The following GCN1 variants were observed in gnomAD, a reference collection of about 807,000 sequenced individuals.
GCN1 encodes the protein stalled ribosome sensor GCN1.
GCN1 carries 90 observed loss-of-function variants against 288.4 expected under a neutral mutation model. That is an observed-to-expected ratio of 0.31 (90% CI 0.26 to 0.37). The LOEUF (loss-of-function observed/expected upper bound fraction) is 0.37. Ranked by LOEUF, GCN1 falls within the 10% of genes least tolerant of loss-of-function variation. The pLI is 1.00. For synonymous variants in GCN1, 1,386 were observed against 1,420.2 expected (o/e 0.98, Z 0.54); for missense variants, 2,586 against 3,419.9 (o/e 0.76, Z 6.08).
At chr12:120,161,838 C>T in intron 21 of GCN1, 42 bp downstream of exon 21, 1 of 1,590,276 alleles carries the variant, frequency 6.3e-7, no homozygotes, top group Non-Finnish European at 8.6e-7. Context: ...AAAACTATGC[C>T]TTGGGGAGCA....
chr12:120,151,188 C>A lies in GCN1; in HGVS notation c.4266G>T (p.Leu1422=). 1 of 1,614,014 alleles carries A rather than the reference C, an allele frequency of 6.2e-7. No individual in the cohort carries two copies. Among genetic ancestry groups the A allele is most frequent in the South Asian group, 1.1e-5 (1 of 91,060 alleles). ...TCTTCTTATCTTGGATGGCATCAGT[C>A]AGTGCCGCCATCATCTCCTGTTGCT... The part of the protein sequence containing the change: ...SLKQQEMMAA[L]TDAIQDKKNF... The change falls in exon 34 of 58, where the codon CTG becomes CTT. Residue 1422 remains leucine, a synonymous_variant. Transcript: ENST00000300648.
intron 1 of GCN1, among the ~76,000 whole-genome samples, chr12:120,191,241 G>A (rs568760881): frequency 4.6e-5 from 7 of 152,330 alleles, no homozygotes; most frequent in South Asian, 2.1e-4. Context: ...CAGCACCTGC[G>A]TTTTTGAAAC....
chr12:120,163,334 G>C lies in GCN1; in HGVS notation c.1849-75C>G, dbSNP rs762303166. The C allele has an allele frequency of 9.3e-6, 11 of 1,186,820 alleles. No individual in the cohort carries two copies. The East Asian group carries it at 2.1e-4, about 23-fold the overall frequency. The allele number at this position is 1,186,820 out of a possible 1,614,324, so 73.5% of individuals were successfully genotyped here. A position where few individuals can be genotyped will look rare whatever the true frequency, so the allele number is the denominator to read the frequency against. ...GGAACACAGGAACCAAATATGCTAC[G>C]GACACAGCGGCCCCTCACTCAGTTC... On this transcript the variant is annotated intron_variant, in intron 18 of 57. Coordinates refer to ENST00000300648, the MANE Select transcript of GCN1 (RefSeq NM_006836.2).
At chr12:120,146,320 A>G (rs971966888) in intron 38 of GCN1, among the ~76,000 whole-genome samples, 1 of 151,676 alleles carries the variant, frequency 6.6e-6, no homozygotes, top group Non-Finnish European at 1.5e-5. Context: ...GGAACTGTAG[A>G]TAAAATATTT....
chr12:120,127,953 C>A lies in GCN1; in HGVS notation c.7912G>T (p.Val2638Leu). ...TCGTTCAGCACCTCCAAACTGGCCA[C>A]ATCCAGGATCTTGGAGAGGGACTGT... ...VFQSLSKILD[V>L]ASLEVLNEVN... is the part of the protein sequence containing the mutation. Residue 2638 changes from valine (V) to leucine (L), a missense_variant, in exon 58 of 58, where the codon GTG (valine) becomes TTG (leucine). Around this residue, in one of 8 missense-constraint regions of GCN1, gnomAD observed 355 missense variants for 431.1 expected, o/e 0.82. Transcript: ENST00000300648. 6.2e-7 allele frequency: 1 copy of A among 1,614,146 alleles called. No homozygotes were observed. The highest frequency in any genetic ancestry group is 8.5e-7 in the Non-Finnish European group (1 of 1,179,970).
At chr12:120,180,509 G>A (rs1878621145) in intron 5 of GCN1, among the ~76,000 whole-genome samples, 2 of 151,608 alleles carry the variant, frequency 1.3e-5, no homozygotes. Flanking sequence ...CAGCTACTCA[G>A]GAGGAAAATC....
intron 45 of GCN1, among the ~76,000 whole-genome samples, chr12:120,139,966 T>C (rs1877137102): frequency 6.6e-6 from 1 of 152,252 alleles, no homozygotes; most frequent in Non-Finnish European, 1.5e-5. Context: ...CTGGTTGGCA[T>C]GTGGGCCTTG....
In GCN1 at chr12:120,154,030, C is replaced by A; in HGVS notation, c.3702-121G>T. 5 of 766,698 alleles carry A rather than the reference C, an allele frequency of 6.5e-6. No homozygotes were observed. In the South Asian group the frequency reaches 8.9e-5, roughly 14 times the overall value. 47.5% of individuals were successfully genotyped at this position (766,698 alleles called of 1,614,324 possible). On this transcript the variant is annotated intron_variant, in intron 31 of 57. Coordinates refer to ENST00000300648, the MANE Select transcript of GCN1 (RefSeq NM_006836.2). ...CCTGAGGCAAACACTGTTTTGGGGG[C>A]AGAGAACAGCCTGAAGCCCACCACC... is the stretch of plus-strand genomic sequence containing the variant.
At position 120,153,860 on chromosome 12, in the gene GCN1, A is replaced by C; in HGVS notation, c.3751T>G (p.Ser1251Ala). Residue 1251 changes from serine to alanine, a missense_variant, in exon 32 of 58, where the codon TCT (serine) becomes GCT (alanine). Physicochemically the swap from Ser to Ala is moderately conservative, Grantham distance 99. Coordinates refer to ENST00000300648, the MANE Select transcript of GCN1 (RefSeq NM_006836.2). The surrounding 1 kb of genome is among the most constrained non-coding windows in gnomAD (Gnocchi z 4.4). ...LNKLSQYLDS[S>A]QVKPLFQFFV... Reference sequence around the variant, plus strand: ...AACTGAAAGAGTGGCTTCACCTGAGAGCTGTCCAAATACTGGGAGAGCTTG... The same window carrying C: ...AACTGAAAGAGTGGCTTCACCTGAGCGCTGTCCAAATACTGGGAGAGCTTG... 1 of 1,614,072 alleles carries C rather than the reference A, an allele frequency of 6.2e-7. No homozygotes were observed. The highest frequency in any genetic ancestry group is 8.5e-7 in the Non-Finnish European group (1 of 1,179,968).
At chr12:120,175,632 C>T in intron 11 of GCN1, 114 bp downstream of exon 11, 1 of 1,114,350 alleles carries the variant, frequency 9.0e-7, no homozygotes. Context: ...TCCCCCTGGC[C>T]ACACAGCCTT....
chr12:120,175,061 A>G (rs553849074), intron 12 of GCN1, 101 bp downstream of exon 12: 270 of 964,326 alleles, frequency 2.8e-4, no homozygotes, highest in Non-Finnish European at 4.0e-4. Flanking sequence ...TGGGAGGCAG[A>G]GGTTGCAGTG....
intron 13 of GCN1, 44 bp downstream of exon 13, chr12:120,174,027 A>G (rs1878393122): frequency 8.0e-7 from 1 of 1,243,972 alleles, no homozygotes; most frequent in African/African-American, 1.5e-5. Flanking sequence ...ACCACGGTCA[A>G]GGATGAGTAC....
At chr12:120,164,934 TTA>T (rs1248910500) in intron 16 of GCN1, among the ~76,000 whole-genome samples, 8 of 149,246 alleles carry the variant, frequency 5.4e-5, no homozygotes, top group African/African-American at 2.0e-4. Context: ...TTTATTTATT[TTA>T]TATATAATAT....
intron 33 of GCN1, among the ~76,000 whole-genome samples, chr12:120,152,661 AAT>A (rs1160511017): frequency 2.2e-5 from 3 of 137,238 alleles, no homozygotes; most frequent in Admixed American, 7.5e-5. Flanking sequence ...ACACACACAA[AAT>A]ATATATATAT....
intron 5 of GCN1, among the ~76,000 whole-genome samples, chr12:120,179,397 ATTTTTT>A (rs1224651602): frequency 7.9e-6 from 1 of 127,182 alleles, no homozygotes; most frequent in Non-Finnish European, 1.7e-5. Context: ...TGCCCAGCTA[ATTTTTT>A]TTTTTTTTTT....
At chr12:120,184,004 A>T (rs1409017060) in intron 4 of GCN1, 108 bp downstream of exon 4, 38 of 1,091,618 alleles carry the variant, frequency 3.5e-5, no homozygotes, top group Non-Finnish European at 5.1e-5. Flanking sequence ...GGTTTTCTCC[A>T]CTAAGCTTGC....
At chr12:120,175,522 A>C (rs1458064834) in intron 11 of GCN1, among the ~76,000 whole-genome samples, 1 of 152,342 alleles carries the variant, frequency 6.6e-6, no homozygotes, top group Non-Finnish European at 1.5e-5. Context: ...TATGCCTACA[A>C]AAATGTGTAT....
At position 120,147,082 on chromosome 12, in the gene GCN1, A is replaced by G; in HGVS notation, c.4917T>C (p.Ile1639=). Residue 1639 remains isoleucine, a synonymous_variant, in exon 38 of 58, where the codon ATT becomes ATC. Transcript: ENST00000300648. ...GGTCTGTCAGGGAGTACATGTTGCC[A>G]ATAATCTGGGCTGCCATCTTCCGCG... ...TDTRKMAAQI[I]GNMYSLTDQK... 6.3e-7 allele frequency: 1 copy of G among 1,590,490 alleles called. No homozygotes were observed. Among genetic ancestry groups the G allele is most frequent in the South Asian group, 1.1e-5 (1 of 88,342 alleles).
At chr12:120,188,824 G>T (rs1230746852) in intron 2 of GCN1, among the ~76,000 whole-genome samples, 3 of 150,924 alleles carry the variant, frequency 2.0e-5, no homozygotes, top group Non-Finnish European at 2.9e-5. Flanking sequence ...ACTCCAGCCT[G>T]GGCAACACAG....
Sources: allele counts gnomAD v4.1 joint callset (sites outside exome capture counted in the v4.1 genomes callset), GRCh38; gene constraint gnomAD v4.1.1; regional missense constraint gnomAD v4.1.1; non-coding constraint Gnocchi (gnomAD v3.1); transcripts MANE v1.5; gene names NCBI Gene and HGNC (gene_info 2026-07-23, HGNC 2026-07-21).